The following ZNF385D variants were observed in gnomAD, a reference collection of about 807,000 sequenced individuals.
The protein encoded by ZNF385D is zinc finger protein 385D.
In ZNF385D, 15 loss-of-function variants were observed where a neutral mutation model predicts 35.8. That is an observed-to-expected ratio of 0.42 (90% CI 0.28 to 0.64). The LOEUF (loss-of-function observed/expected upper bound fraction) is 0.64. Among genes scored for constraint, ZNF385D ranks in the 30% least tolerant of loss-of-function variants. ZNF385D has a pLI of 0.23. For missense variants in ZNF385D, 474 were observed against 494.6 expected, an observed-to-expected ratio of 0.96 and a Z score of 0.39; for synonymous variants, 212 against 186.8, an observed-to-expected ratio of 1.13 and a Z score of -1.10.
chr3:22,152,762 C>T (rs1705321875), intron 3 of ZNF385D, among the ~76,000 whole-genome samples: 1 of 152,126 alleles, frequency 6.6e-6, no homozygotes, highest in Non-Finnish European at 1.5e-5. Flanking sequence ...GTTCCTTTGG[C>T]CAAGTTAGGC....
intron 4 of ZNF385D, among the ~76,000 whole-genome samples, chr3:21,472,369 A>C (rs906840915): frequency 6.6e-6 from 1 of 152,108 alleles, no homozygotes; most frequent in African/African-American, 2.4e-5. Context: ...GGACTATAAA[A>C]TAAGAGCAAA....
intron 3 of ZNF385D, among the ~76,000 whole-genome samples, chr3:22,141,998 T>C (rs1704533017): frequency 1.3e-5 from 2 of 152,210 alleles, no homozygotes; most frequent in African/African-American, 2.4e-5. Flanking sequence ...GGTTAAATGA[T>C]AGCCAATTTT....
intron 3 of ZNF385D, among the ~76,000 whole-genome samples, chr3:22,134,698 T>C (rs912278812): frequency 1.3e-5 from 2 of 152,188 alleles, no homozygotes; most frequent in African/African-American, 2.4e-5. Context: ...GAAGATTATT[T>C]GGCTCACAGC....
At chr3:22,324,361 T>G (rs1694578507) in intron 2 of ZNF385D, among the ~76,000 whole-genome samples, 2 of 152,180 alleles carry the variant, frequency 1.3e-5, no homozygotes, top group Non-Finnish European at 2.9e-5. Flanking sequence ...CTACTAGAGC[T>G]AGTAAGATAT....
At chr3:22,249,093 C>T (rs573586645) in intron 2 of ZNF385D, among the ~76,000 whole-genome samples, 1 of 152,240 alleles carries the variant, frequency 6.6e-6, no homozygotes, top group East Asian at 1.9e-4. Flanking sequence ...CACTTCCAGC[C>T]ATTCAAGTCT....
intron 4 of ZNF385D, among the ~76,000 whole-genome samples, chr3:21,449,109 G>T (rs1416179078): frequency 6.6e-6 from 1 of 151,666 alleles, no homozygotes; most frequent in Admixed American, 6.6e-5. Context: ...ATGACTTATT[G>T]GTTAGTTCTG....
chr3:21,516,345 C>T (rs149534690), intron 3 of ZNF385D, among the ~76,000 whole-genome samples: 7 of 152,304 alleles, frequency 4.6e-5, no homozygotes, highest in African/African-American at 1.4e-4. Context: ...GAATATTCCA[C>T]TGCAAATATA....
chr3:22,207,365 G>T (rs148280046), intron 2 of ZNF385D, among the ~76,000 whole-genome samples: 230 of 151,988 alleles, frequency 1.5e-3, no homozygotes, highest in African/African-American at 5.2e-3. Flanking sequence ...TCAGTAAATG[G>T]TGCTATGAAA....
chr3:22,302,277 T>A (rs1702942855), intron 2 of ZNF385D, among the ~76,000 whole-genome samples: 1 of 151,990 alleles, frequency 6.6e-6, no homozygotes. Context: ...CATCAACACT[T>A]AGTATTTCCA....
At chr3:21,841,931 T>G (rs1408395983) in intron 3 of ZNF385D, among the ~76,000 whole-genome samples, 1 of 151,648 alleles carries the variant, frequency 6.6e-6, no homozygotes, top group Non-Finnish European at 1.5e-5. Flanking sequence ...TATACACATA[T>G]ATACATATAT....
At chr3:21,479,391 C>G (rs1704460533) in intron 4 of ZNF385D, among the ~76,000 whole-genome samples, 2 of 152,074 alleles carry the variant, frequency 1.3e-5, no homozygotes, top group South Asian at 4.2e-4. Context: ...GAGCATCTAG[C>G]TTCAATGAAC....
intron 3 of ZNF385D, among the ~76,000 whole-genome samples, chr3:22,063,433 A>T (rs1559340717): frequency 6.6e-6 from 1 of 152,184 alleles, no homozygotes; most frequent in Non-Finnish European, 1.5e-5. Flanking sequence ...ATGATACAAA[A>T]TTTCATCTGC....
chr3:21,543,329 C>G (rs940200822), intron 3 of ZNF385D, among the ~76,000 whole-genome samples: 2 of 152,198 alleles, frequency 1.3e-5, no homozygotes, highest in Admixed American at 6.5e-5. Context: ...ACCGCTCACC[C>G]TTGTTTCTAA....
chr3:21,904,656 A>G (rs1699584359), intron 3 of ZNF385D, among the ~76,000 whole-genome samples: 1 of 152,142 alleles, frequency 6.6e-6, no homozygotes, highest in Admixed American at 6.6e-5. Context: ...CACACAGCAA[A>G]TCACGGAGCA....
In ZNF385D at chr3:21,840,673, T is replaced by C. The variant is rs1575755956; in HGVS notation, c.326-175645A>G. Among the ~76,000 whole-genome samples the C allele has an allele frequency of 2.0e-5, 3 of 152,204 alleles. 1 individual carries two copies. The highest frequency in any genetic ancestry group is 2.0e-4 in the Admixed American group (3 of 15,260). ...TTAAAACTCTTAGCAAATGACACTC[T>C]TCAGTATTTGGTGATGTTTCCATCC... On this transcript the variant is annotated intron_variant, in intron 3 of 5. Transcript: ENST00000494108.
At chr3:22,147,773 T>G (rs1704954912) in intron 3 of ZNF385D, among the ~76,000 whole-genome samples, 1 of 152,144 alleles carries the variant, frequency 6.6e-6, no homozygotes, top group South Asian at 2.1e-4. Context: ...TGAATCTAGA[T>G]CCTACTACTC....
chr3:22,059,063 G>C (rs1227458632), intron 3 of ZNF385D, among the ~76,000 whole-genome samples: 1 of 152,184 alleles, frequency 6.6e-6, no homozygotes, highest in African/African-American at 2.4e-5. Flanking sequence ...CATTGTTTGG[G>C]GCGGCCAAGC....
chr3:22,135,858 T>G (rs1704068377), intron 3 of ZNF385D, among the ~76,000 whole-genome samples: 2 of 151,968 alleles, frequency 1.3e-5, no homozygotes, highest in Admixed American at 1.3e-4. Flanking sequence ...TTGTCAAAGT[T>G]GCAAAAACAA....
At chr3:21,519,049 C>G (rs534249612) in intron 3 of ZNF385D, among the ~76,000 whole-genome samples, 1 of 151,922 alleles carries the variant, frequency 6.6e-6, no homozygotes. Flanking sequence ...GTGATTGATG[C>G]TTTACTTTAA....
Sources: allele counts gnomAD v4.1 joint callset (sites outside exome capture counted in the v4.1 genomes callset), GRCh38; gene constraint gnomAD v4.1.1; transcripts MANE v1.5; gene names NCBI Gene and HGNC (gene_info 2026-07-23, HGNC 2026-07-21).